The following CEP131 variants were observed in gnomAD, a reference collection of about 807,000 sequenced individuals.
The protein encoded by CEP131 is centrosomal protein 131, also known as centrosomal protein of 131 kDa.
A neutral mutation model predicts 136.8 loss-of-function variants in CEP131; 99 were observed. That is an observed-to-expected ratio of 0.72 (90% CI 0.62 to 0.86). The LOEUF is 0.86. Among genes scored for constraint, CEP131 ranks in the 40% least tolerant of loss-of-function variants. The pLI is 0.00. For synonymous variants in CEP131, 646 were observed against 612.7 expected (o/e 1.05, Z -0.80); for missense variants, 1,459 against 1,463.0 (o/e 1.00, Z 0.04).
chr17:81,217,757 CG>C lies in CEP131; in HGVS notation c.177+2122del, dbSNP rs112325704. Among the ~76,000 whole-genome samples, 503 of 152,224 alleles carry C rather than the reference CG, an allele frequency of 3.3e-3. 1 individual carries two copies. The highest frequency in any genetic ancestry group is 0.011 in the African/African-American group (468 of 41,536). On this transcript the variant is annotated intron_variant, in intron 2 of 25. Coordinates refer to ENST00000450824, the MANE Select transcript of CEP131 (RefSeq NM_014984.4). ...TGTTAGCAGTCGCCACTCAACACTG[CG>C]GGAGCGGGCAATGGTACCAGCCGAG...
chr17:81,206,590 T>A (rs1274267920), intron 5 of CEP131, among the ~76,000 whole-genome samples, 154 bp downstream of exon 5: 1 of 152,378 alleles, frequency 6.6e-6, no homozygotes, highest in East Asian at 1.9e-4. Flanking sequence ...CTCCTGCCTA[T>A]GCCCTTGGGA....
chr17:81,191,475 C>A, intron 21 of CEP131, 140 bp from the exon 22 acceptor site: 1 of 744,052 alleles, frequency 1.3e-6, no homozygotes, highest in Non-Finnish European at 2.2e-6. Context: ...GACCCCTGTC[C>A]AGGGGTGCGC....
At chr17:81,212,465 G>A (rs767937875) in intron 2 of CEP131, among the ~76,000 whole-genome samples, 16 of 149,908 alleles carry the variant, frequency 1.1e-4, no homozygotes, top group Non-Finnish European at 2.2e-4. Flanking sequence ...GGACTGTTCC[G>A]AGTAGCCCCG....
intron 2 of CEP131, among the ~76,000 whole-genome samples, chr17:81,210,364 G>T (rs1011106548): frequency 2.0e-5 from 3 of 152,164 alleles, no homozygotes; most frequent in Non-Finnish European, 4.4e-5. Context: ...GAGGTCAGGA[G>T]ATCAAGACCA....
chr17:81,213,004 G>T (rs2062168532), intron 2 of CEP131, among the ~76,000 whole-genome samples: 1 of 152,114 alleles, frequency 6.6e-6, no homozygotes, highest in Non-Finnish European at 1.5e-5. Flanking sequence ...AAGAACCGGG[G>T]CTTCTTGAAG....
At chr17:81,200,298 A>G (rs1051076016) in intron 8 of CEP131, 31 bp downstream of exon 8, 2 of 1,543,156 alleles carry the variant, frequency 1.3e-6, no homozygotes, top group Non-Finnish European at 8.9e-7. Context: ...CCCCCGGGGG[A>G]GCATGGAGTG....
intron 5 of CEP131, among the ~76,000 whole-genome samples, chr17:81,206,538 C>T (rs2062011928): frequency 6.6e-6 from 1 of 152,256 alleles, no homozygotes; most frequent in Admixed American, 6.5e-5. Flanking sequence ...AGAGCAAAGC[C>T]TGGGCCGAGA....
chr17:81,212,360 G>A (rs900887884), intron 2 of CEP131, among the ~76,000 whole-genome samples: 2 of 151,750 alleles, frequency 1.3e-5, no homozygotes, highest in African/African-American at 4.8e-5. Flanking sequence ...AAGATGTTCA[G>A]CCTCACTCAC....
intron 5 of CEP131, 101 bp downstream of exon 5, chr17:81,206,643 A>T: frequency 6.9e-7 from 1 of 1,453,026 alleles, no homozygotes; most frequent in Non-Finnish European, 9.2e-7. Context: ...CATTCATTCC[A>T]AAGCACCCTG....
At chr17:81,191,635 C>A (rs564554573) in intron 21 of CEP131, among the ~76,000 whole-genome samples, 1 of 152,210 alleles carries the variant, frequency 6.6e-6, no homozygotes, top group East Asian at 1.9e-4. Flanking sequence ...GTTGGACTTG[C>A]GTGTTGCTGA....
Position 81,199,372 on chromosome 17 carries a change from C to T in CEP131, c.1192+9G>A. The T allele has an allele frequency of 1.9e-6, 3 of 1,595,922 alleles. No homozygotes were observed. The highest frequency in any genetic ancestry group is 2.3e-5 in the South Asian group (2 of 88,544). On this transcript the variant is annotated intron_variant, in intron 10 of 25. Coordinates refer to ENST00000450824, the MANE Select transcript of CEP131 (RefSeq NM_014984.4). The stretch of plus-strand genomic sequence containing the variant: ...CCCCAGAGCAGGGCGGGCGTGGAGC[C>T]ACTCTCACCAGTATTGTTGGCCTTG...
chr17:81,193,729 G>A (rs1351210579), intron 18 of CEP131, among the ~76,000 whole-genome samples, 197 bp downstream of exon 18: 1 of 152,200 alleles, frequency 6.6e-6, no homozygotes, highest in African/African-American at 2.4e-5. Flanking sequence ...ATGAACTGCA[G>A]ACACAAGCCC....
At position 81,208,918 on chromosome 17, in the gene CEP131, T is replaced by C. The variant is rs373820917; in HGVS notation, c.272+10A>G. The stretch of plus-strand genomic sequence containing the variant: ...AGGGGCCAGGGTTATCCAAGGGCCT[T>C]AGGGGTTACCTGGGGGAGCCGCTCC... On this transcript the variant is annotated intron_variant, in intron 3 of 25. Transcript: ENST00000450824. This position sits in a 1 kb window ranked among gnomAD's most constrained non-coding sequence, Gnocchi z 5.6. 2.7e-5 allele frequency: 44 copies of C among 1,611,544 alleles called. No individual in the cohort carries two copies. The highest frequency in any genetic ancestry group is 3.5e-5 in the Non-Finnish European group (41 of 1,178,558).
At chr17:81,216,141 C>A (rs2062241211) in intron 2 of CEP131, among the ~76,000 whole-genome samples, 1 of 152,120 alleles carries the variant, frequency 6.6e-6, no homozygotes, top group Admixed American at 6.5e-5. Flanking sequence ...AGGAGGATCA[C>A]CTGAGGTCAA....
intron 17 of CEP131, 140 bp downstream of exon 17, chr17:81,194,730 G>T (rs996292832): frequency 1.3e-6 from 1 of 775,064 alleles, no homozygotes; most frequent in African/African-American, 1.7e-5. Flanking sequence ...CGTGACGGGG[G>T]TGGTTGGGGC....
Position 81,203,631 on chromosome 17 carries a change from G to C in CEP131, c.516-24C>G, listed in dbSNP as rs1332746614. The C allele has an allele frequency of 5.8e-6, 9 of 1,552,650 alleles. No individual in the cohort carries two copies. Among genetic ancestry groups the C allele is most frequent in the African/African-American group, 1.4e-5 (1 of 73,698 alleles). ...TCCTGCCAGGCCGGAAGAGAGACAG[G>C]AATGGTCAGGCCTCTGGAGGGGACG... On this transcript the variant is annotated intron_variant, in intron 5 of 25. Coordinates refer to ENST00000450824, the MANE Select transcript of CEP131 (RefSeq NM_014984.4). This position sits in a 1 kb window ranked among gnomAD's most constrained non-coding sequence, Gnocchi z 4.6.
chr17:81,202,570 G>T (rs1040270412), intron 6 of CEP131, among the ~76,000 whole-genome samples, 172 bp from the exon 7 acceptor site: 1 of 152,330 alleles, frequency 6.6e-6, no homozygotes, highest in East Asian at 1.9e-4. Flanking sequence ...GCTCTCCCGT[G>T]CCACATCCTG....
At position 81,192,529 on chromosome 17, in the gene CEP131, C is replaced by T; in HGVS notation, c.2494G>A (p.Ala832Thr). 2.5e-6 allele frequency: 4 copies of T among 1,610,934 alleles called. No homozygotes were observed. Among genetic ancestry groups the T allele is most frequent in the Non-Finnish European group, 3.4e-6 (4 of 1,179,646 alleles). ...LEESSSALTR[A>T]LRAEFEKGRE... is the part of the protein sequence containing the mutation. ...CCCTTCTCAAACTCAGCCCTCAGGG[C>T]TCGGGTCAGTGCAGAGCTGCTCTCC... The change falls in exon 20 of 26, where the codon GCC becomes ACC. Residue 832 changes from alanine (A) to threonine (T), a missense_variant. Physicochemically the swap from Ala to Thr is moderately conservative, Grantham distance 58 (BLOSUM62 0). Transcript: ENST00000450824.
chr17:81,196,942 C>A lies in CEP131; in HGVS notation c.1761G>T (p.Leu587=). ...CCAGCAGCGTTACCAGCGCTCTCTG[C>A]AGCAGCAGCATGGCCTGCTTCTTCT... ...VEEKKQAMLL[L]QRALAQQRDL... is the part of the protein sequence containing the mutation. The change falls in exon 14 of 26, where the codon CTG becomes CTT. Residue 587 remains leucine (L), a synonymous_variant. Transcript: ENST00000450824. 6.2e-7 allele frequency: 1 copy of A among 1,609,484 alleles called. No homozygotes were observed. The highest frequency in any genetic ancestry group is 8.5e-7 in the Non-Finnish European group (1 of 1,178,388).
Sources: allele counts gnomAD v4.1 joint callset (sites outside exome capture counted in the v4.1 genomes callset), GRCh38; gene constraint gnomAD v4.1.1; non-coding constraint Gnocchi (gnomAD v3.1); transcripts MANE v1.5; gene names NCBI Gene and HGNC (gene_info 2026-07-23, HGNC 2026-07-21).